Variants in KAT6A observed in about 807,000 individuals in gnomAD.
KAT6A encodes the protein lysine acetyltransferase 6A, also known as histone acetyltransferase KAT6A.
KAT6A carries 9 observed loss-of-function variants against 198.4 expected under a neutral mutation model. The observed-to-expected ratio is 0.05, with a 90% CI of 0.03 to 0.08. KAT6A has a LOEUF of 0.08. KAT6A is among the 10% of genes least tolerant of loss of function. The pLI, the probability that KAT6A is intolerant of heterozygous loss-of-function variation, is 1.00. For synonymous variants in KAT6A, 890 were observed against 883.0 expected (o/e 1.01, Z -0.14); for missense variants, 2,077 against 2,509.9 (o/e 0.83, Z 3.69).
chr8:42,037,652 C>T (rs938528596), intron 2 of KAT6A, among the ~76,000 whole-genome samples: 3 of 150,742 alleles, frequency 2.0e-5, no homozygotes, highest in Admixed American at 1.3e-4. Context: ...AAAAGGTAAA[C>T]GGCAAAAGAA....
intron 16 of KAT6A, among the ~76,000 whole-genome samples, 179 bp downstream of exon 16, chr8:41,937,077 A>C (rs1162223334): frequency 2.0e-5 from 3 of 152,232 alleles, no homozygotes; most frequent in African/African-American, 7.2e-5. Flanking sequence ...TGAAGGGAAA[A>C]CACATTTAAA....
intron 9 of KAT6A, among the ~76,000 whole-genome samples, chr8:41,951,425 A>T (rs939944538): frequency 7.9e-5 from 12 of 152,172 alleles, no homozygotes; most frequent in African/African-American, 2.9e-4. Context: ...GAAAAAAAAG[A>T]TCTATCATAT....
In KAT6A at chr8:41,929,751, G is replaced by A. The variant is rs982526561; in HGVS notation, c.*2454C>T. 1.6e-5 allele frequency: 3 copies of A among 192,264 alleles called. No individual in the cohort carries two copies. The highest frequency in any genetic ancestry group is 4.6e-5 in the African/African-American group (2 of 43,018). 11.9% of individuals were successfully genotyped at this position (192,264 alleles called of 1,614,324 possible). ...TAGACGTGGCTTCCTTTGTACATGC[G>A]GCTTTTAGAGGCATCTGGAGCTCTA... On this transcript the variant is annotated 3_prime_UTR_variant, in exon 17 of 17. Transcript: ENST00000265713.
At chr8:41,951,859 T>C (rs1280352611) in intron 9 of KAT6A, among the ~76,000 whole-genome samples, 1 of 152,182 alleles carries the variant, frequency 6.6e-6, no homozygotes, top group East Asian at 1.9e-4. Flanking sequence ...AAATCTAAGA[T>C]TATGGTACAA....
At chr8:41,989,334 C>T (rs1824793198) in intron 2 of KAT6A, among the ~76,000 whole-genome samples, 3 of 152,066 alleles carry the variant, frequency 2.0e-5, no homozygotes, top group Admixed American at 2.0e-4. Context: ...CATGGTGAAA[C>T]CCTGTCTCTA....
rs757005615 is a variant in KAT6A, at chr8:41,941,400, A to G, written c.2481T>C (p.Tyr827=). 50 of 1,608,532 alleles carry G rather than the reference A, an allele frequency of 3.1e-5. No homozygotes were observed. The highest frequency in any genetic ancestry group is 4.1e-5 in the Non-Finnish European group (48 of 1,179,630). The change falls in exon 15 of 17, where the codon TAT becomes TAC. Residue 827 remains tyrosine, a synonymous_variant. Coordinates refer to ENST00000265713, the MANE Select transcript of KAT6A (RefSeq NM_006766.5). ...VSHENKEQDS[Y]SVESEKKPEV... ...CTGGTTTCTTTTCACTTTCTACTGA[A>G]TAAGAATCTTGTTCTTTGTTCTCAT...
chr8:41,942,862 C>T lies in KAT6A; in HGVS notation c.2367G>A (p.Glu789=). ...CTCCTTCCTCAGCCTCCTCTTCTTC[C>T]TCCTCTGAGACCACAGAGTTGGACA... ...VIVSNSVVSE[E]EEEEAEEGEN... Residue 789 remains glutamate (E), a synonymous_variant, in exon 14 of 17, where the codon GAG becomes GAA. Coordinates refer to ENST00000265713, the MANE Select transcript of KAT6A (RefSeq NM_006766.5). 2 of 1,614,166 alleles carry T rather than the reference C, an allele frequency of 1.2e-6. No individual in the cohort carries two copies. Among genetic ancestry groups the T allele is most frequent in the Non-Finnish European group, 1.7e-6 (2 of 1,180,026 alleles).
At chr8:42,040,700 A>G (rs957083624) in intron 2 of KAT6A, among the ~76,000 whole-genome samples, 3 of 129,570 alleles carry the variant, frequency 2.3e-5, no homozygotes, top group African/African-American at 3.0e-5. Flanking sequence ...GCACCATTGC[A>G]CTCCAGCCTA....
chr8:41,988,822 T>C (rs376283458), intron 2 of KAT6A, among the ~76,000 whole-genome samples: 1 of 152,192 alleles, frequency 6.6e-6, no homozygotes, highest in East Asian at 1.9e-4. Flanking sequence ...TTTAAATGTG[T>C]TTAGTTGGAG....
intron 3 of KAT6A, among the ~76,000 whole-genome samples, chr8:41,986,914 T>G (rs942616689): frequency 6.6e-5 from 10 of 152,148 alleles, no homozygotes; most frequent in African/African-American, 2.4e-4. Flanking sequence ...GGCAGGCACC[T>G]GTAATCCCAC....
rs568405744 is a variant in KAT6A at position 42,041,737 on chromosome 8, C to CA, written c.600+6640dup. Among the ~76,000 whole-genome samples the CA allele has an allele frequency of 9.2e-3, 1,127 of 121,874 alleles. 18 individuals carry two copies. Among genetic ancestry groups the CA allele is most frequent in the African/African-American group, 0.029 (946 of 32,970 alleles). The allele number at this position is 121,874 out of a possible 152,430, so 80.0% of individuals were successfully genotyped here. A position where few individuals can be genotyped will look rare whatever the true frequency, so the allele number is the denominator to read the frequency against. On this transcript the variant is annotated intron_variant, in intron 2 of 16. Coordinates refer to ENST00000265713, the MANE Select transcript of KAT6A (RefSeq NM_006766.5). ...TAAGCAACAGAGCAAGACTCCATCTCAAAAAAAAAAAAGAAAAGAAATGCA... is the reference window on the plus strand; with the variant it reads ...TAAGCAACAGAGCAAGACTCCATCTCAAAAAAAAAAAAAGAAAAGAAATGCA...
At position 41,931,512 on chromosome 8, in the gene KAT6A, G is replaced by A. The variant is rs151225711; in HGVS notation, c.*693C>T. ...TTACACTTGATTCAAGAACAACAAA[G>A]ATTTCAATGAAGTCCGTCTATAAAG... On this transcript the variant is annotated 3_prime_UTR_variant, in exon 17 of 17. Coordinates refer to ENST00000265713, the MANE Select transcript of KAT6A (RefSeq NM_006766.5). The A allele has an allele frequency of 9.6e-6, 2 of 207,602 alleles. No homozygotes were observed. Among genetic ancestry groups the A allele is most frequent in the East Asian group, 7.3e-5 (1 of 13,776 alleles). The allele number at this position is 207,602 out of a possible 1,614,324, so 12.9% of individuals were successfully genotyped here.
rs184434100 is a variant in KAT6A at position 41,982,414 on chromosome 8, C to T, written c.710-460G>A. Among the ~76,000 whole-genome samples, 6 of 152,238 alleles carry T rather than the reference C, an allele frequency of 3.9e-5. No individual in the cohort carries two copies. In the East Asian group the frequency reaches 1.2e-3, roughly 29 times the overall value. ...ATGTCTCAGTTTATACCCTTTTGTG[C>T]TGTCATTTTTTAAATGACAATGTTT... is the stretch of plus-strand genomic sequence containing the variant. On this transcript the variant is annotated intron_variant, in intron 3 of 16. Transcript: ENST00000265713.
At chr8:41,989,518 AACATAACGTAACGTG>A (rs928472987) in intron 2 of KAT6A, among the ~76,000 whole-genome samples, 2 of 147,236 alleles carry the variant, frequency 1.4e-5, no homozygotes, top group African/African-American at 5.1e-5. Flanking sequence ...TCGGAAAAAT[AACATAACGTAACGTG>A]ACGTGACGTG....
At chr8:41,969,421 T>C (rs1823666731) in intron 8 of KAT6A, among the ~76,000 whole-genome samples, 2 of 152,310 alleles carry the variant, frequency 1.3e-5, no homozygotes, top group South Asian at 4.1e-4. Flanking sequence ...TCATCTTTGA[T>C]CATCTCTTGC....
intron 8 of KAT6A, among the ~76,000 whole-genome samples, chr8:41,965,781 A>C (rs1273090336): frequency 6.6e-6 from 1 of 152,192 alleles, no homozygotes; most frequent in East Asian, 1.9e-4. Flanking sequence ...GAAAGCTAGT[A>C]ACAAGATGTC....
At chr8:41,935,609 A>T (rs1821809187) in intron 16 of KAT6A, among the ~76,000 whole-genome samples, 1 of 152,164 alleles carries the variant, frequency 6.6e-6, no homozygotes, top group African/African-American at 2.4e-5. Context: ...AATTTTAACC[A>T]TTTATAAGTG....
chr8:41,942,582 G>A, intron 14 of KAT6A: 2 of 565,474 alleles, frequency 3.5e-6, no homozygotes, highest in Non-Finnish European at 6.1e-6. Context: ...TAAGAAATTT[G>A]ATGGTCTCCT....
chr8:41,970,527 A>G (rs1587761218), intron 8 of KAT6A, among the ~76,000 whole-genome samples: 1 of 152,212 alleles, frequency 6.6e-6, no homozygotes, highest in South Asian at 2.1e-4. Flanking sequence ...TCCATTCATT[A>G]AACAAATATT....
Sources: allele counts gnomAD v4.1 joint callset (sites outside exome capture counted in the v4.1 genomes callset), GRCh38; gene constraint gnomAD v4.1.1; transcripts MANE v1.5; gene names NCBI Gene and HGNC (gene_info 2026-07-23, HGNC 2026-07-21).